Variants in NALF1 observed in about 807,000 individuals in gnomAD.
The protein encoded by NALF1 is NALCN channel auxiliary factor 1.
In NALF1, 3 loss-of-function variants were observed where a neutral mutation model predicts 48.4. The observed-to-expected ratio is 0.06, with a 90% CI of 0.03 to 0.16. NALF1 has a LOEUF of 0.16. Among genes scored for constraint, NALF1 ranks in the 10% least tolerant of loss-of-function variants. The probability of loss-of-function intolerance (pLI) is 1.00; values close to 1 mark genes in which losing one functional copy is unlikely to be tolerated. For missense variants in NALF1, 526 were observed against 571.5 expected (o/e 0.92, Z 0.81); for synonymous variants, 262 against 245.7 (o/e 1.07, Z -0.62).
chr13:107,691,016 A>C (rs1448516548), intron 1 of NALF1, among the ~76,000 whole-genome samples: 1 of 152,222 alleles, frequency 6.6e-6, no homozygotes, highest in East Asian at 1.9e-4. Context: ...ACTTTAACTT[A>C]CTTCGTAAAT....
At position 107,301,805 on chromosome 13, in the gene NALF1, A is replaced by G. The variant is rs374426845; in HGVS notation, c.916-91050T>C. On this transcript the variant is annotated intron_variant, in intron 1 of 2. Coordinates refer to ENST00000375915, the MANE Select transcript of NALF1 (RefSeq NM_001080396.3). ...TAAAAATAAGCAAACAAACAAAAACAATAAGAAAAACCCTGGTACTTCACA... is the reference window on the plus strand; with the variant it reads ...TAAAAATAAGCAAACAAACAAAAACGATAAGAAAAACCCTGGTACTTCACA... Among the ~76,000 whole-genome samples, 54 of 152,336 alleles carry G rather than the reference A, an allele frequency of 3.5e-4. 1 individual carries two copies. In the South Asian group the frequency reaches 0.011, roughly 31 times the overall value.
chr13:107,324,662 T>C (rs894349905), intron 1 of NALF1, among the ~76,000 whole-genome samples: 4 of 152,156 alleles, frequency 2.6e-5, no homozygotes, highest in Non-Finnish European at 5.9e-5. Context: ...TGCGTATCAG[T>C]TGTGTTTGTG....
intron 1 of NALF1, among the ~76,000 whole-genome samples, chr13:107,303,819 GT>G (rs964366330): frequency 4.0e-5 from 6 of 151,570 alleles, no homozygotes; most frequent in African/African-American, 1.2e-4. Flanking sequence ...AGCAGACTGA[GT>G]TTTTTTTTCT....
chr13:107,772,380 T>G (rs1390237610), intron 1 of NALF1, among the ~76,000 whole-genome samples: 1 of 152,180 alleles, frequency 6.6e-6, no homozygotes, highest in African/African-American at 2.4e-5. Context: ...TTGAGGTAAG[T>G]GGACCATTTG....
chr13:107,431,403 G>A (rs111414770), intron 1 of NALF1, among the ~76,000 whole-genome samples: 10,872 of 152,150 alleles, frequency 0.071, 1,253 homozygotes, highest in African/African-American at 0.25. Flanking sequence ...ATGCGCATGC[G>A]TGCACACACA....
intron 1 of NALF1, among the ~76,000 whole-genome samples, chr13:107,578,192 C>T (rs2138407939): frequency 6.6e-6 from 1 of 152,336 alleles, no homozygotes; most frequent in African/African-American, 2.4e-5. Flanking sequence ...CGTTTGTTGA[C>T]ATGTTCTTCC....
At chr13:107,597,568 A>T (rs141350918) in intron 1 of NALF1, among the ~76,000 whole-genome samples, 1 of 152,314 alleles carries the variant, frequency 6.6e-6, no homozygotes, top group Non-Finnish European at 1.5e-5. Flanking sequence ...TCTTATAAAT[A>T]ATAGAGGTAA....
chr13:107,599,880 A>G (rs1878873871), intron 1 of NALF1, among the ~76,000 whole-genome samples: 1 of 152,188 alleles, frequency 6.6e-6, no homozygotes, highest in Non-Finnish European at 1.5e-5. Flanking sequence ...GGCTAATTAC[A>G]TGGGTCATAA....
intron 1 of NALF1, among the ~76,000 whole-genome samples, chr13:107,824,386 A>T (rs1191653917): frequency 1.3e-5 from 2 of 152,238 alleles, no homozygotes; most frequent in African/African-American, 4.8e-5. Context: ...AACTATGAAT[A>T]GATGAATTTC....
intron 1 of NALF1, among the ~76,000 whole-genome samples, chr13:107,349,247 T>C (rs1388592678): frequency 6.6e-6 from 1 of 152,182 alleles, no homozygotes; most frequent in Non-Finnish European, 1.5e-5. Flanking sequence ...CCTGGTGTCC[T>C]TTGCTGAACT....
intron 1 of NALF1, among the ~76,000 whole-genome samples, chr13:107,394,785 A>G (rs1233593942): frequency 6.6e-6 from 1 of 152,164 alleles, no homozygotes; most frequent in East Asian, 1.9e-4. Flanking sequence ...AAATATATGG[A>G]TCATGTTGAG....
chr13:107,423,640 A>G, intron 1 of NALF1, among the ~76,000 whole-genome samples: 1 of 152,200 alleles, frequency 6.6e-6, no homozygotes, highest in East Asian at 1.9e-4. Flanking sequence ...GAGACAGAGA[A>G]GATGTGTGAC....
intron 1 of NALF1, among the ~76,000 whole-genome samples, chr13:107,516,730 G>A (rs778524658): frequency 1.4e-4 from 22 of 152,108 alleles, no homozygotes; most frequent in Non-Finnish European, 3.1e-4. Context: ...TCCAAATTGA[G>A]CACTACAGGG....
intron 1 of NALF1, among the ~76,000 whole-genome samples, chr13:107,818,575 T>C (rs1389751866): frequency 6.6e-6 from 1 of 151,808 alleles, no homozygotes; most frequent in African/African-American, 2.4e-5. Flanking sequence ...AGAATTGGTC[T>C]TAAAAATCCA....
chr13:107,318,481 G>C (rs894173406), intron 1 of NALF1, among the ~76,000 whole-genome samples: 5 of 152,012 alleles, frequency 3.3e-5, no homozygotes, highest in South Asian at 2.1e-4. Context: ...TCTTAGGAGA[G>C]AGGCAGCATT....
chr13:107,313,097 T>A (rs1043433472), intron 1 of NALF1, among the ~76,000 whole-genome samples: 2 of 151,768 alleles, frequency 1.3e-5, no homozygotes, highest in Admixed American at 6.6e-5. Flanking sequence ...ACTTGGAAGA[T>A]AAAATGGAGA....
chr13:107,800,645 GAT>G lies in NALF1; in HGVS notation c.915+65035_915+65036del, dbSNP rs1351330135. Among the ~76,000 whole-genome samples the G allele has an allele frequency of 2.7e-5, 4 of 145,716 alleles. No individual in the cohort carries two copies. In the South Asian group the frequency reaches 6.4e-4, roughly 23 times the overall value. On this transcript the variant is annotated intron_variant, in intron 1 of 2. Transcript: ENST00000375915. ...TTATATAATTATATAATACATATAA[GAT>G]ATATAATATATAATACATCATATTG...
intron 1 of NALF1, among the ~76,000 whole-genome samples, chr13:107,792,958 C>T (rs1566483790): frequency 1.3e-5 from 2 of 152,144 alleles, no homozygotes; most frequent in East Asian, 3.9e-4. Context: ...CAGGCGTGAA[C>T]CACTGAGCCT....
Position 107,180,364 on chromosome 13 carries a change from T to C in NALF1, c.1088-9578A>G, listed in dbSNP as rs149574287. 1.0e-3 allele frequency among the ~76,000 whole-genome samples: 152 copies of C among 152,126 alleles called. 1 individual carries two copies. Among genetic ancestry groups the C allele is most frequent in the African/African-American group, 3.6e-3 (148 of 41,566 alleles). On this transcript the variant is annotated intron_variant, in intron 2 of 2. Coordinates refer to ENST00000375915, the MANE Select transcript of NALF1 (RefSeq NM_001080396.3). The stretch of plus-strand genomic sequence containing the variant: ...AAATATTTTCGTTATATCTAAGGAA[T>C]AAATATTTTCTAAGGAAATCCTTAG...
Sources: gnomAD v4.1 joint callset for allele counts (sites outside exome capture counted in the v4.1 genomes callset) on GRCh38, gnomAD v4.1.1 for gene constraint, MANE v1.5 for transcripts, NCBI Gene and HGNC (gene_info 2026-07-23, HGNC 2026-07-21) for gene names.